TMEM132D: variants seen among roughly 807,000 people sequenced by gnomAD.
The protein encoded by TMEM132D is transmembrane protein 132D.
Under a neutral mutation model 62.3 loss-of-function variants are expected in TMEM132D, and 21 were observed. That is an observed-to-expected ratio of 0.34 (90% CI 0.24 to 0.49). The LOEUF (loss-of-function observed/expected upper bound fraction) is 0.49, where lower values mean the gene tolerates loss of function less well. TMEM132D is among the 20% of genes least tolerant of loss of function. The pLI is 0.99. For synonymous variants in TMEM132D, 621 were observed against 575.6 expected, an observed-to-expected ratio of 1.08 and a Z score of -1.13; for missense variants, 1,346 against 1,402.8, an observed-to-expected ratio of 0.96 and a Z score of 0.65.
chr12:129,426,016 C>T (rs1872486593), intron 3 of TMEM132D, among the ~76,000 whole-genome samples: 1 of 152,206 alleles, frequency 6.6e-6, no homozygotes. Flanking sequence ...GGACCCACAA[C>T]ACTGGCAGCA....
chr12:129,241,176 GA>G (rs1260274960), intron 4 of TMEM132D, among the ~76,000 whole-genome samples: 73 of 122,158 alleles, frequency 6.0e-4, no homozygotes, highest in African/African-American at 2.1e-3. Flanking sequence ...AAAAAGGAAA[GA>G]AAAAAACTCC....
intron 5 of TMEM132D, among the ~76,000 whole-genome samples, chr12:129,124,972 C>T (rs762300272): frequency 2.0e-5 from 3 of 152,110 alleles, no homozygotes; most frequent in Admixed American, 2.0e-4. Context: ...TACAATTAAG[C>T]GACTGCCTCT....
chr12:129,895,295 A>G (rs1163852888), intron 1 of TMEM132D, among the ~76,000 whole-genome samples: 2 of 152,168 alleles, frequency 1.3e-5, no homozygotes, highest in African/African-American at 4.8e-5. Flanking sequence ...CGTTACTGAA[A>G]TCTCTATCTT....
At chr12:129,777,527 T>G (rs572191180) in intron 1 of TMEM132D, among the ~76,000 whole-genome samples, 1 of 152,242 alleles carries the variant, frequency 6.6e-6, no homozygotes, top group East Asian at 1.9e-4. Context: ...AAGCAGCAAC[T>G]TCAGCAAGCT....
intron 5 of TMEM132D, among the ~76,000 whole-genome samples, chr12:129,169,089 A>C (rs144008869): frequency 1.3e-5 from 2 of 152,132 alleles, no homozygotes; most frequent in Non-Finnish European, 2.9e-5. Flanking sequence ...TTAAACTTCA[A>C]CCCACAACCA....
chr12:129,110,714 T>C (rs1875669746), intron 5 of TMEM132D: 2 of 152,184 alleles, frequency 1.3e-5, no homozygotes, highest in Admixed American at 1.3e-4. Context: ...TGCCTCTCCT[T>C]GTTGGCAGAG....
intron 2 of TMEM132D, among the ~76,000 whole-genome samples, chr12:129,564,551 G>T (rs545350326): frequency 1.3e-5 from 2 of 152,060 alleles, no homozygotes; most frequent in Admixed American, 1.3e-4. Flanking sequence ...CCCTTCTTTC[G>T]TTAAAGCAAT....
intron 2 of TMEM132D, among the ~76,000 whole-genome samples, chr12:129,605,612 C>CAT (rs1182628228): frequency 2.3e-4 from 18 of 77,250 alleles, no homozygotes; most frequent in Middle Eastern, 6.3e-3. Context: ...TATACACACA[C>CAT]ATATATATAT....
At chr12:129,800,550 G>A (rs1055997256) in intron 1 of TMEM132D, among the ~76,000 whole-genome samples, 4 of 152,154 alleles carry the variant, frequency 2.6e-5, no homozygotes, top group Non-Finnish European at 4.4e-5. Context: ...AAGGGGAGCA[G>A]TGGAGGCCAT....
intron 3 of TMEM132D, among the ~76,000 whole-genome samples, chr12:129,475,766 G>C (rs1874236239): frequency 6.6e-6 from 1 of 152,218 alleles, no homozygotes; most frequent in South Asian, 2.1e-4. Context: ...ACACAGTGAA[G>C]GGTCTGCACC....
At chr12:129,317,771 A>G (rs1488643956) in intron 4 of TMEM132D, among the ~76,000 whole-genome samples, 1 of 152,212 alleles carries the variant, frequency 6.6e-6, no homozygotes, top group African/African-American at 2.4e-5. Context: ...TTCCTCAGGA[A>G]AGCTGATTAT....
At chr12:129,795,813 T>A (rs1376796) in intron 1 of TMEM132D, among the ~76,000 whole-genome samples, 1 of 151,920 alleles carries the variant, frequency 6.6e-6, no homozygotes, top group Non-Finnish European at 1.5e-5. Context: ...GTCATTAATG[T>A]GTTATATTAT....
At position 129,371,535 on chromosome 12, in the gene TMEM132D, TATG is replaced by T. The variant is rs558922183; in HGVS notation, c.1116-33721_1116-33719del. ...TAATGGTGGTGATTATGATGATGAT[TATG>T]ATGATGATGATGATGATGGCGATGA... On this transcript the variant is annotated intron_variant, in intron 3 of 8. Transcript: ENST00000422113. The surrounding 1 kb of genome is among the most constrained non-coding windows in gnomAD (Gnocchi z 4.3). Among the ~76,000 whole-genome samples the T allele has an allele frequency of 5.3e-3, 801 of 150,882 alleles. 6 individuals carry two copies. Among genetic ancestry groups the T allele is most frequent in the Non-Finnish European group, 5.6e-3 (378 of 67,676 alleles).
intron 1 of TMEM132D, among the ~76,000 whole-genome samples, chr12:129,719,089 A>AG (rs1315897247): frequency 6.1e-5 from 3 of 49,316 alleles, no homozygotes; most frequent in Admixed American, 2.6e-4. Flanking sequence ...AAATGAAAAA[A>AG]AAAAAAAAAA....
chr12:129,092,503 C>A lies in TMEM132D; in HGVS notation c.1444-7801G>T, dbSNP rs183750349. Among the ~76,000 whole-genome samples the A allele has an allele frequency of 2.6e-5, 4 of 152,020 alleles. No individual in the cohort carries two copies. In the East Asian group the frequency reaches 7.7e-4, roughly 29 times the overall value. The stretch of plus-strand genomic sequence containing the variant: ...TGAGGTCAGGAGTTCGCGACCAGCC[C>A]GGCCAACATGGTGAAACCTGTCTCT... On this transcript the variant is annotated intron_variant, in intron 5 of 8. Coordinates refer to ENST00000422113, the MANE Select transcript of TMEM132D (RefSeq NM_133448.3).
intron 5 of TMEM132D, among the ~76,000 whole-genome samples, chr12:129,147,698 A>T (rs2135533745): frequency 6.6e-6 from 1 of 152,316 alleles, no homozygotes; most frequent in East Asian, 1.9e-4. Context: ...CTCAGGTGCA[A>T]GGTGTCTATT....
intron 1 of TMEM132D, among the ~76,000 whole-genome samples, chr12:129,755,857 T>G (rs780587589): frequency 2.0e-5 from 3 of 152,178 alleles, no homozygotes; most frequent in Non-Finnish European, 4.4e-5. Context: ...AGAGTCAAAC[T>G]TTCTCACATT....
intron 1 of TMEM132D, among the ~76,000 whole-genome samples, chr12:129,858,847 G>T (rs1335966922): frequency 2.4e-5 from 3 of 125,390 alleles, no homozygotes; most frequent in African/African-American, 9.6e-5. Flanking sequence ...AGCGGGATGG[G>T]TGCCCTTGTA....
intron 4 of TMEM132D, among the ~76,000 whole-genome samples, chr12:129,288,105 G>T (rs1881354496): frequency 6.6e-6 from 1 of 152,174 alleles, no homozygotes; most frequent in Non-Finnish European, 1.5e-5. Context: ...CCATTATCGT[G>T]CACCATGCAC....
Sources: gnomAD v4.1 joint callset for allele counts (sites outside exome capture counted in the v4.1 genomes callset) on GRCh38, gnomAD v4.1.1 for gene constraint, Gnocchi (gnomAD v3.1) non-coding constraint, MANE v1.5 for transcripts, NCBI Gene and HGNC (gene_info 2026-07-23, HGNC 2026-07-21) for gene names.